Variants in TCEANC2 observed in about 807,000 individuals in gnomAD.
TCEANC2 encodes the protein transcription elongation factor A N-terminal and central domain containing 2, also known as transcription elongation factor A N-terminal and central domain-containing protein 2.
Under a neutral mutation model 22.8 loss-of-function variants are expected in TCEANC2, and 20 were observed. That is an observed-to-expected ratio of 0.88 (90% CI 0.62 to 1.28). TCEANC2 has a LOEUF of 1.28. Among genes scored for constraint, TCEANC2 ranks in the 50% most tolerant of loss-of-function variants. The pLI is 0.00. For missense variants in TCEANC2, 251 were observed against 249.7 expected, an observed-to-expected ratio of 1.01 and a Z score of -0.03; for synonymous variants, 84 against 95.5, an observed-to-expected ratio of 0.88 and a Z score of 0.70.
chr1:54,088,938 T>A, intron 4 of TCEANC2, 148 bp downstream of exon 4: 1 of 496,990 alleles, frequency 2.0e-6, no homozygotes. Flanking sequence ...TTTCATAATC[T>A]TAATGCTGTG....
chr1:54,067,436 G>A (rs1244805391), intron 2 of TCEANC2, among the ~76,000 whole-genome samples: 3 of 152,220 alleles, frequency 2.0e-5, no homozygotes, highest in Non-Finnish European at 4.4e-5. Flanking sequence ...CCAAGGAACT[G>A]CAAAAGTAAC....
At position 54,096,116 on chromosome 1, in the gene TCEANC2, T is replaced by C. The variant is rs1036649700; in HGVS notation, c.439-169T>C. ...CAAAGCACATGGCCTTGTTCCTTAA[T>C]TGCCAGGGTGGAATTAATTTGCTCT... On this transcript the variant is annotated intron_variant, in intron 4 of 4. Coordinates refer to ENST00000234827, the MANE Select transcript of TCEANC2 (RefSeq NM_153035.3). The surrounding 1 kb of genome is among the most constrained non-coding windows in gnomAD (Gnocchi z 4.9). Among the ~76,000 whole-genome samples, 2 of 152,188 alleles carry C rather than the reference T, an allele frequency of 1.3e-5. No individual in the cohort carries two copies. Among genetic ancestry groups the C allele is most frequent in the African/African-American group, 4.8e-5 (2 of 41,450 alleles).
At chr1:54,062,118 C>T (rs1657869046) in intron 2 of TCEANC2, among the ~76,000 whole-genome samples, 1 of 152,160 alleles carries the variant, frequency 6.6e-6, no homozygotes, top group Non-Finnish European at 1.5e-5. Context: ...TGCCTCCTGC[C>T]CCCACCAGTG....
At chr1:54,066,671 C>A (rs955779592) in intron 2 of TCEANC2, among the ~76,000 whole-genome samples, 2 of 152,006 alleles carry the variant, frequency 1.3e-5, no homozygotes, top group Non-Finnish European at 2.9e-5. Flanking sequence ...ATCAACCAAC[C>A]GGGATTATAT....
chr1:54,065,607 A>G (rs1483281318), intron 2 of TCEANC2, among the ~76,000 whole-genome samples: 1 of 152,018 alleles, frequency 6.6e-6, no homozygotes, highest in East Asian at 1.9e-4. Context: ...GGTCCCAGCT[A>G]CTTGGGAGAC....
chr1:54,067,012 A>G (rs1374397045), intron 2 of TCEANC2, among the ~76,000 whole-genome samples: 1 of 152,216 alleles, frequency 6.6e-6, no homozygotes, highest in Admixed American at 6.5e-5. Flanking sequence ...AGTTAAAGGA[A>G]GAGGGGAGAG....
chr1:54,083,319 A>C (rs1445277486), intron 3 of TCEANC2, among the ~76,000 whole-genome samples: 1 of 152,182 alleles, frequency 6.6e-6, no homozygotes, highest in African/African-American at 2.4e-5. Context: ...AGGGAAGGCA[A>C]GTGGAGAAAG....
intron 3 of TCEANC2, among the ~76,000 whole-genome samples, chr1:54,074,317 G>T (rs1658108309): frequency 1.3e-5 from 2 of 152,154 alleles, no homozygotes; most frequent in Admixed American, 6.5e-5. Context: ...CAAACAATTA[G>T]CTGGGCATGG....
At chr1:54,076,886 A>G (rs779439338) in intron 3 of TCEANC2, among the ~76,000 whole-genome samples, 4 of 152,222 alleles carry the variant, frequency 2.6e-5, no homozygotes, top group Non-Finnish European at 4.4e-5. Flanking sequence ...TTATGTTAGA[A>G]GATGATAACT....
intron 3 of TCEANC2, among the ~76,000 whole-genome samples, chr1:54,083,316 G>C (rs1213856850): frequency 6.6e-6 from 1 of 152,174 alleles, no homozygotes; most frequent in African/African-American, 2.4e-5. Flanking sequence ...CTCAGGGAAG[G>C]CAAGTGGAGA....
chr1:54,065,009 C>T (rs1232546927), intron 2 of TCEANC2, among the ~76,000 whole-genome samples: 1 of 152,030 alleles, frequency 6.6e-6, no homozygotes, highest in Non-Finnish European at 1.5e-5. Flanking sequence ...TGGGGTTTTC[C>T]TTTTGATTTA....
intron 3 of TCEANC2, among the ~76,000 whole-genome samples, chr1:54,085,939 G>A (rs545456365): frequency 8.5e-5 from 13 of 152,070 alleles, no homozygotes; most frequent in South Asian, 6.2e-4. Context: ...TCATTATGTT[G>A]CCCAGGCTGG....
At chr1:54,091,041 T>A (rs1658436281) in intron 4 of TCEANC2, among the ~76,000 whole-genome samples, 1 of 152,172 alleles carries the variant, frequency 6.6e-6, no homozygotes, top group African/African-American at 2.4e-5. Flanking sequence ...TTTGTTAGTG[T>A]TTTCCAACAT....
At chr1:54,074,587 G>A (rs1027683807) in intron 3 of TCEANC2, among the ~76,000 whole-genome samples, 2 of 152,136 alleles carry the variant, frequency 1.3e-5, no homozygotes, top group Non-Finnish European at 2.9e-5. Context: ...AACCGAGAAG[G>A]TACGACCAGA....
Position 54,103,169 on chromosome 1 carries a change from G to A in TCEANC2, c.*6696G>A, listed in dbSNP as rs2100395161. On this transcript the variant is annotated 3_prime_UTR_variant, in exon 5 of 5. Transcript: ENST00000234827. ...ATGTACACACAGTTGACATCAACCA[G>A]TCTCTGAGGCCACCCCAGAGCTGAC... 1 of 152,372 alleles carries A rather than the reference G, an allele frequency of 6.6e-6. No homozygotes were observed. The highest frequency in any genetic ancestry group is 2.1e-4 in the South Asian group (1 of 4,808). 9.4% of individuals were successfully genotyped at this position (152,372 alleles called of 1,614,324 possible). A position where few individuals can be genotyped will look rare whatever the true frequency, so the allele number is the denominator to read the frequency against.
chr1:54,067,184 G>C (rs1446037818), intron 2 of TCEANC2, among the ~76,000 whole-genome samples: 1 of 152,196 alleles, frequency 6.6e-6, no homozygotes, highest in Non-Finnish European at 1.5e-5. Context: ...TATATTGGGA[G>C]GGCTGTTACC....
intron 4 of TCEANC2, among the ~76,000 whole-genome samples, chr1:54,089,505 T>G (rs926001692): frequency 2.0e-5 from 3 of 152,212 alleles, no homozygotes; most frequent in African/African-American, 4.8e-5. Context: ...AATAATAATA[T>G]TCATTGTCAT....
chr1:54,054,605 C>T (rs1345887296), intron 2 of TCEANC2, 81 bp downstream of exon 2: 26 of 1,385,938 alleles, frequency 1.9e-5, no homozygotes, highest in Non-Finnish European at 2.5e-5. Flanking sequence ...GTGGAAAGAC[C>T]TATGAATTAT....
At position 54,101,480 on chromosome 1, in the gene TCEANC2, G is replaced by A. The variant is rs1466107428; in HGVS notation, c.*5007G>A. On this transcript the variant is annotated 3_prime_UTR_variant, in exon 5 of 5. Transcript: ENST00000234827. ...GATCAAGACATCCAATCAAATGCTG[G>A]TTTTTAATGTTGATAAAATCATTCT... The A allele has an allele frequency of 6.6e-6, 1 of 152,166 alleles. No homozygotes were observed. The highest frequency in any genetic ancestry group is 1.5e-5 in the Non-Finnish European group (1 of 68,038). The allele number at this position is 152,166 out of a possible 1,614,324, so 9.4% of individuals were successfully genotyped here.
Sources: gnomAD v4.1 joint callset for allele counts (sites outside exome capture counted in the v4.1 genomes callset) on GRCh38, gnomAD v4.1.1 for gene constraint, Gnocchi (gnomAD v3.1) non-coding constraint, MANE v1.5 for transcripts, NCBI Gene and HGNC (gene_info 2026-07-23, HGNC 2026-07-21) for gene names.